The following TAF1D variants were observed in gnomAD, a reference collection of about 807,000 sequenced individuals.
The protein encoded by TAF1D is TATA-box binding protein associated factor, RNA polymerase I subunit D, also known as TATA box-binding protein-associated factor RNA polymerase I subunit D.
Under a neutral mutation model 26.2 loss-of-function variants are expected in TAF1D, and 23 were observed. The ratio of observed to expected loss-of-function variants is 0.88; its 90% CI spans 0.63 to 1.25. TAF1D has a LOEUF of 1.25. TAF1D is among the 50% of genes most tolerant of loss of function. The pLI, the probability that TAF1D is intolerant of heterozygous loss-of-function variation, is 0.00. For missense variants in TAF1D, 299 were observed against 322.0 expected (o/e 0.93, Z 0.55); for synonymous variants, 100 against 105.6 (o/e 0.95, Z 0.33).
intron 3 of TAF1D, among the ~76,000 whole-genome samples, chr11:93,737,852 G>A (rs1029619665): frequency 2.6e-5 from 4 of 152,094 alleles, no homozygotes; most frequent in Non-Finnish European, 5.9e-5. Flanking sequence ...ACCTGAGATG[G>A]GATAAGATCA....
rs951635016 is a variant in TAF1D at position 93,738,515 on chromosome 11, A to C, written c.69-16T>G. On this transcript the variant is annotated splice_polypyrimidine_tract_variant and intron_variant, in intron 2 of 5. Transcript: ENST00000448108. ...AGAGTTATCACTAGAAAAATGGGAAAAAAATTAATTTCATCTTCTTTTCTT... is the reference window on the plus strand; with the variant it reads ...AGAGTTATCACTAGAAAAATGGGAACAAAATTAATTTCATCTTCTTTTCTT... The C allele has an allele frequency of 2.6e-6, 4 of 1,542,448 alleles. No homozygotes were observed. The highest frequency in any genetic ancestry group is 2.6e-6 in the Non-Finnish European group (3 of 1,150,338).
chr11:93,741,170 G>A (rs1000962418), intron 1 of TAF1D, among the ~76,000 whole-genome samples, 152 bp downstream of exon 1: 11 of 152,248 alleles, frequency 7.2e-5, no homozygotes, highest in African/African-American at 2.7e-4. Context: ...CGCGTGGCGC[G>A]GAGTGGCCTG....
chr11:93,731,882 C>A (rs1210048935), downstream of TAF1D: 1 of 372,658 alleles, frequency 2.7e-6, no homozygotes, highest in African/African-American at 2.1e-5. Flanking sequence ...TACAATGTTT[C>A]AGTCAATATA....
downstream of TAF1D, chr11:93,734,398 A>G (rs35717287): frequency 4.4e-4 from 124 of 284,226 alleles, no homozygotes; most frequent in Non-Finnish European, 7.3e-4. Context: ...AGTTCTGATT[A>G]TTGCTACAAA....
chr11:93,739,384 T>A (rs1941343734), intron 1 of TAF1D, 53 bp from the exon 2 acceptor site: 2 of 1,236,848 alleles, frequency 1.6e-6, no homozygotes, highest in Non-Finnish European at 2.3e-6. Flanking sequence ...ATATTGACAG[T>A]ATCTACTACA....
At chr11:93,730,735 T>C (rs1938480277), downstream of TAF1D, 1 of 481,554 alleles carries the variant, frequency 2.1e-6, no homozygotes, top group South Asian at 1.5e-5. Flanking sequence ...AGTATAAAAG[T>C]AAATTTTACA....
At chr11:93,734,798 C>T, downstream of TAF1D, 1 of 1,232,870 alleles carries the variant, frequency 8.1e-7, no homozygotes, top group African/African-American at 1.6e-5. Flanking sequence ...TCTTAAGAGA[C>T]AGGGTCTGTC....
In TAF1D at chr11:93,736,707, T is replaced by C. The variant is rs371758898; in HGVS notation, c.680A>G (p.Asp227Gly). The stretch of plus-strand genomic sequence containing the variant: ...TAAGTCACTTACTGCCAATTTGATA[T>C]CACATTCGTTATCTTCAAGATGTGT... The part of the protein sequence containing the change: ...DATHLEDNEC[D>G]IKLAGDSFIV... Residue 227 changes from aspartate (D) to glycine (G), a missense_variant, in exon 5 of 6, where the codon GAT (aspartate) becomes GGT (glycine). Asp to Gly is a moderately conservative substitution (Grantham distance 94). Coordinates refer to ENST00000448108, the MANE Select transcript of TAF1D (RefSeq NM_024116.4). 1 of 1,611,740 alleles carries C rather than the reference T, an allele frequency of 6.2e-7. No homozygotes were observed. The highest frequency in any genetic ancestry group is 8.5e-7 in the Non-Finnish European group (1 of 1,179,402).
intron 4 of TAF1D, 71 bp from the exon 5 acceptor site, chr11:93,736,822 GA>G: frequency 6.8e-7 from 1 of 1,477,682 alleles, no homozygotes; most frequent in Non-Finnish European, 9.2e-7. Context: ...ATTCCACTCT[GA>G]AATATAACTG....
At chr11:93,735,088 C>A (rs1475520196), downstream of TAF1D, 5 of 1,320,292 alleles carry the variant, frequency 3.8e-6, no homozygotes, top group Non-Finnish European at 5.0e-6. Flanking sequence ...ATACTCCCAT[C>A]AATCAACTGT....
downstream of TAF1D, chr11:93,730,615 C>T (rs1938417994): frequency 1.7e-6 from 1 of 572,748 alleles, no homozygotes; most frequent in East Asian, 4.3e-5. Flanking sequence ...CTCTGGGTTT[C>T]ACAGCCTCAT....
At chr11:93,732,367 A>T (rs753254599), downstream of TAF1D, 1 of 518,942 alleles carries the variant, frequency 1.9e-6, no homozygotes, top group South Asian at 1.4e-5. Flanking sequence ...CAAATACTGT[A>T]TCAGTAGAAA....
Position 93,741,469 on chromosome 11 carries a change from C to T in TAF1D, c.-175G>A, listed in dbSNP as rs1414648647. 4 of 456,174 alleles carry T rather than the reference C, an allele frequency of 8.8e-6. No individual in the cohort carries two copies. In the East Asian group the frequency reaches 2.8e-4, roughly 32 times the overall value. 28.3% of individuals were successfully genotyped at this position (456,174 alleles called of 1,614,324 possible). ...CCTCCAACTCCCGATAACCAGCCGA[C>T]CTCCTCCAACCGTGCGGAAGAAAAG... On this transcript the variant is annotated 5_prime_UTR_variant, in exon 1 of 6. Coordinates refer to ENST00000448108, the MANE Select transcript of TAF1D (RefSeq NM_024116.4).
chr11:93,737,002 C>T, intron 4 of TAF1D, 62 bp downstream of exon 4: 1 of 1,365,410 alleles, frequency 7.3e-7, no homozygotes, highest in Non-Finnish European at 9.8e-7. Flanking sequence ...AAATATGAAG[C>T]AATTAACATA....
intron 5 of TAF1D, 126 bp from the exon 6 acceptor site, chr11:93,736,430 A>C: frequency 7.0e-7 from 1 of 1,423,900 alleles, no homozygotes; most frequent in Non-Finnish European, 9.1e-7. Context: ...TAAAAATCCA[A>C]ATTAACATTG....
downstream of TAF1D, chr11:93,731,700 C>T: frequency 2.7e-6 from 1 of 375,342 alleles, no homozygotes; most frequent in Non-Finnish European, 5.3e-6. Context: ...TGGAGAAAAG[C>T]TAGTATTCAA....
At chr11:93,739,446 A>G (rs769617236) in intron 1 of TAF1D, 115 bp from the exon 2 acceptor site, 14 of 607,358 alleles carry the variant, frequency 2.3e-5, no homozygotes, top group Non-Finnish European at 3.9e-5. Flanking sequence ...ATCATTTACC[A>G]AGGTTAAGCT....
At position 93,730,536 on chromosome 11, in the gene TAF1D, T is replaced by C. The variant is rs201455038; in HGVS notation, c.*915A>G. On this transcript the variant is annotated 3_prime_UTR_variant and NMD_transcript_variant, in exon 12 of 12. Transcript: ENST00000323981. Reference sequence around the variant, plus strand: ...CGTTTTATATCTCCTCAGGAAAACATAGCACCAAACATTAGGAGTGCTATG... The same window carrying C: ...CGTTTTATATCTCCTCAGGAAAACACAGCACCAAACATTAGGAGTGCTATG... 123 of 670,244 alleles carry C rather than the reference T, an allele frequency of 1.8e-4. 1 individual carries two copies. Among genetic ancestry groups the C allele is most frequent in the Middle Eastern group, 1.8e-3 (5 of 2,822 alleles). 41.5% of individuals were successfully genotyped at this position (670,244 alleles called of 1,614,324 possible).
Position 93,736,292 on chromosome 11 carries a change from T to A in TAF1D, c.706A>T (p.Ile236Leu). 2 of 1,606,846 alleles carry A rather than the reference T, an allele frequency of 1.2e-6. No homozygotes were observed. Among genetic ancestry groups the A allele is most frequent in the South Asian group, 2.2e-5 (2 of 89,338 alleles). ...CTTACAGGGAATTCAGAACTTACTA[T>A]GAAACTATCCCCCTGCATAAAACAA... is the stretch of plus-strand genomic sequence containing the variant. Reference protein sequence around the residue: ...CDIKLAGDSFIVSSEFPVRLS... With the variant: ...CDIKLAGDSFLVSSEFPVRLS... Residue 236 changes from isoleucine (I) to leucine (L), a missense_variant, in exon 6 of 6, where the codon ATA (isoleucine) becomes TTA (leucine). Ile to Leu is a conservative substitution (Grantham distance 5). Transcript: ENST00000448108.
Sources: gnomAD v4.1 joint callset for allele counts (sites outside exome capture counted in the v4.1 genomes callset) on GRCh38, gnomAD v4.1.1 for gene constraint, MANE v1.5 for transcripts, NCBI Gene and HGNC (gene_info 2026-07-23, HGNC 2026-07-21) for gene names.